GALNT6: variants seen among roughly 807,000 people sequenced by gnomAD.
The protein encoded by GALNT6 is polypeptide N-acetylgalactosaminyltransferase 6.
GALNT6 carries 51 observed loss-of-function variants against 65.9 expected under a neutral mutation model. The ratio of observed to expected loss-of-function variants is 0.77; its 90% CI spans 0.62 to 0.98. GALNT6 has a LOEUF of 0.98. Ranked by LOEUF, GALNT6 falls within the 50% of genes least tolerant of loss-of-function variation. GALNT6 has a pLI of 0.00. For synonymous variants in GALNT6, 323 were observed against 315.1 expected (o/e 1.02, Z -0.26); for missense variants, 708 against 803.3 (o/e 0.88, Z 1.43).
chr12:51,365,002 C>A (rs1359175740), intron 5 of GALNT6, among the ~76,000 whole-genome samples: 1 of 152,186 alleles, frequency 6.6e-6, no homozygotes, highest in African/African-American at 2.4e-5. Flanking sequence ...AATATTTCAT[C>A]CTCCACAACA....
Position 51,379,861 on chromosome 12 carries a change from G to A in GALNT6, c.-80C>T, listed in dbSNP as rs1283223789. 12 of 1,394,150 alleles carry A rather than the reference G, an allele frequency of 8.6e-6. No individual in the cohort carries two copies. In the South Asian group the frequency reaches 1.3e-4, roughly 15 times the overall value. The allele number at this position is 1,394,150 out of a possible 1,614,324, so 86.4% of individuals were successfully genotyped here. On this transcript the variant is annotated 5_prime_UTR_variant, in exon 3 of 12. Transcript: ENST00000356317. ...CCTGGAGATAGCTTGATACGTTGTGGTGGCCACAAGCTGGGGCCTCAGCCT... is the reference window on the plus strand; with the variant it reads ...CCTGGAGATAGCTTGATACGTTGTGATGGCCACAAGCTGGGGCCTCAGCCT...
rs551874807 is a variant in GALNT6, at chr12:51,380,053, G to A, written c.-103-169C>T. 3.9e-5 allele frequency among the ~76,000 whole-genome samples: 6 copies of A among 152,278 alleles called. No homozygotes were observed. The South Asian group carries it at 1.0e-3, about 26-fold the overall frequency. On this transcript the variant is annotated intron_variant, in intron 2 of 11. Coordinates refer to ENST00000356317, the MANE Select transcript of GALNT6 (RefSeq NM_007210.4). ...CATCCATAAAATGAGGAGACCGGAGGCAGTGTTTCTTTCCTGCCCTAAGAT... is the reference window on the plus strand; with the variant it reads ...CATCCATAAAATGAGGAGACCGGAGACAGTGTTTCTTTCCTGCCCTAAGAT...
intron 1 of GALNT6, 90 bp from the exon 2 acceptor site, chr12:51,391,027 C>T (rs1017139911): frequency 2.0e-5 from 3 of 152,470 alleles, no homozygotes; most frequent in Non-Finnish European, 4.4e-5. Flanking sequence ...CCCTTCCCAC[C>T]CCCAAAAGCC....
chr12:51,385,559 T>C (rs1244747342), intron 2 of GALNT6, among the ~76,000 whole-genome samples: 2 of 152,180 alleles, frequency 1.3e-5, no homozygotes, highest in Admixed American at 1.3e-4. Flanking sequence ...TATTTCTCAC[T>C]TTGGTCAAGT....
intron 8 of GALNT6, among the ~76,000 whole-genome samples, 199 bp from the exon 9 acceptor site, chr12:51,358,460 C>T (rs576628195): frequency 1.3e-5 from 2 of 152,234 alleles, no homozygotes; most frequent in South Asian, 4.1e-4. Flanking sequence ...ACCACCACGC[C>T]CAATTAATTT....
At position 51,379,359 on chromosome 12, in the gene GALNT6, A is replaced by G. The variant is rs2137742783; in HGVS notation, c.423T>C (p.Cys141=). ...QEKEEGYKKH[C]FNAFASDRIS... is the part of the protein sequence containing the mutation. ...TCCGGTCGCTGGCAAAGGCATTGAA[A>G]CAGTGCTTCTTATAGCCTTCTTCCT... Residue 141 remains cysteine, a synonymous_variant, in exon 3 of 12, where the codon TGT becomes TGC. Transcript: ENST00000356317. 1 of 1,556,636 alleles carries G rather than the reference A, an allele frequency of 6.4e-7. No individual in the cohort carries two copies. Among genetic ancestry groups the G allele is most frequent in the East Asian group, 2.2e-5 (1 of 44,486 alleles).
At position 51,371,056 on chromosome 12, in the gene GALNT6, TTATTATTATTATTATTATTATTA is replaced by T. The variant is rs1947279307; in HGVS notation, c.665-5500_665-5478del. 5.7e-3 allele frequency among the ~76,000 whole-genome samples: 14 copies of T among 2,464 alleles called. No homozygotes were observed. The South Asian group carries it at 0.15, about 26-fold the overall frequency. 1.6% of individuals were successfully genotyped at this position (2,464 alleles called of 152,430 possible). A position where few individuals can be genotyped will look rare whatever the true frequency, so the allele number is the denominator to read the frequency against. On this transcript the variant is annotated intron_variant, in intron 4 of 11. Coordinates refer to ENST00000356317, the MANE Select transcript of GALNT6 (RefSeq NM_007210.4). Reference sequence around the variant, plus strand: ...TTGGTCCCGCTAGCCTTTTAAAAAATTATTATTATTATTATTATTATTATTATTATTATTATTATTATTTGAGA... The same window carrying T: ...TTGGTCCCGCTAGCCTTTTAAAAAATTTATTATTATTATTATTATTTGAGA...
chr12:51,354,642 A>G (rs1946693721), intron 11 of GALNT6, 150 bp from the exon 12 acceptor site: 2 of 589,132 alleles, frequency 3.4e-6, no homozygotes, highest in East Asian at 6.8e-5. Context: ...CTGCCCTCTC[A>G]TGAGACACAT....
At chr12:51,362,553 C>T (rs1273015945) in intron 6 of GALNT6, among the ~76,000 whole-genome samples, 4 of 150,522 alleles carry the variant, frequency 2.7e-5, no homozygotes, top group African/African-American at 9.8e-5. Flanking sequence ...GGCCCTTGGA[C>T]ATTGAAGCCT....
rs191376245 is a variant in GALNT6 at position 51,368,031 on chromosome 12, T to A, written c.665-2452A>T. ...GAGGCCATGGAATTTTTTTTTTTTT[T>A]AATTTTTTAATTCTGGAGCAGATTA... On this transcript the variant is annotated intron_variant, in intron 4 of 11. Transcript: ENST00000356317. Among the ~76,000 whole-genome samples, 873 of 151,796 alleles carry A rather than the reference T, an allele frequency of 5.8e-3. 30 individuals are homozygous for A. In the East Asian group the frequency reaches 0.086, roughly 15 times the overall value.
chr12:51,370,015 G>A (rs183633062), intron 4 of GALNT6, among the ~76,000 whole-genome samples: 1 of 152,238 alleles, frequency 6.6e-6, no homozygotes, highest in East Asian at 1.9e-4. Flanking sequence ...TTATGGAAAG[G>A]TATGATGGTT....
At chr12:51,359,737 A>G (rs1228187263) in intron 7 of GALNT6, 1 of 156,018 alleles carries the variant, frequency 6.4e-6, no homozygotes, top group African/African-American at 2.4e-5. Context: ...GTTAATTAAT[A>G]GCAAGGATAG....
Position 51,387,542 on chromosome 12 carries a change from A to G in GALNT6, c.-104+3308T>C, listed in dbSNP as rs1357691606. 6.6e-6 allele frequency among the ~76,000 whole-genome samples: 1 copy of G among 152,214 alleles called. No individual in the cohort carries two copies. The highest frequency in any genetic ancestry group is 1.9e-4 in the East Asian group (1 of 5,202). On this transcript the variant is annotated intron_variant, in intron 2 of 11. Coordinates refer to ENST00000356317, the MANE Select transcript of GALNT6 (RefSeq NM_007210.4). This position sits in a 1 kb window ranked among gnomAD's most constrained non-coding sequence, Gnocchi z 4.2. ...TGGTTAATATTTGTTGACTTATTCCAAGAAAAAGTCACCAAAAATCAAAAT... is the reference window on the plus strand; with the variant it reads ...TGGTTAATATTTGTTGACTTATTCCGAGAAAAAGTCACCAAAAATCAAAAT...
In GALNT6 at chr12:51,357,290, G is replaced by A. The variant is rs915957938; in HGVS notation, c.1602+59C>T. ...CAGTCCTCAGGAAAGGACTCTTTAGGGTAGAGAAAAGGAGCCGGTGAGGAG... is the reference window on the plus strand; with the variant it reads ...CAGTCCTCAGGAAAGGACTCTTTAGAGTAGAGAAAAGGAGCCGGTGAGGAG... On this transcript the variant is annotated intron_variant, in intron 10 of 11. Transcript: ENST00000356317. The A allele has an allele frequency of 2.7e-6, 3 of 1,096,322 alleles. No homozygotes were observed. The African/African-American group carries it at 4.6e-5, about 17-fold the overall frequency. 67.9% of individuals were successfully genotyped at this position (1,096,322 alleles called of 1,614,324 possible).
chr12:51,373,034 T>C (rs901987952), intron 4 of GALNT6, among the ~76,000 whole-genome samples: 6 of 152,294 alleles, frequency 3.9e-5, no homozygotes, highest in Middle Eastern at 3.4e-3. Context: ...TATACCTCCA[T>C]TGTATCTAGG....
intron 10 of GALNT6, among the ~76,000 whole-genome samples, chr12:51,356,178 ATATG>A (rs1946739392): frequency 6.8e-6 from 1 of 147,298 alleles, no homozygotes; most frequent in Non-Finnish European, 1.5e-5. Context: ...GTGTATATAT[ATATG>A]TGTGTATATA....
rs1287645397 is a variant in GALNT6, at chr12:51,364,217, T to C, written c.953A>G (p.His318Arg). 5 of 1,614,174 alleles carry C rather than the reference T, an allele frequency of 3.1e-6. No homozygotes were observed. Among genetic ancestry groups the C allele is most frequent in the Non-Finnish European group, 4.2e-6 (5 of 1,179,990 alleles). ...GCTCCAGTCAAAGTTGCCTCGGCTA[T>C]GGACTCTGCCCCTCTGGACGGGCTT... ...FAKPVQRGRVHSRGNFDWSLT... is the reference protein window; with the variant it reads ...FAKPVQRGRVRSRGNFDWSLT... Residue 318 changes from histidine to arginine, a missense_variant, in exon 6 of 12, where the codon CAT becomes CGT. Coordinates refer to ENST00000356317, the MANE Select transcript of GALNT6 (RefSeq NM_007210.4).
chr12:51,359,256 T>G lies in GALNT6; in HGVS notation c.1244A>C (p.His415Pro). ...GACACTAGTGCCCTTGGGGAAGGTG[T>G]GGGGGCTCTTGGTCCGGAACACATG... ...VGHVFRTKSP[H>P]TFPKGTSVIA... The change falls in exon 8 of 12, where the codon CAC (histidine) becomes CCC (proline). Residue 415 changes from histidine to proline, a missense_variant. Physicochemically the swap from His to Pro is moderately conservative, Grantham distance 77 (BLOSUM62 -2). Coordinates refer to ENST00000356317, the MANE Select transcript of GALNT6 (RefSeq NM_007210.4). 6.2e-7 allele frequency: 1 copy of G among 1,614,012 alleles called. No individual in the cohort carries two copies. Among genetic ancestry groups the G allele is most frequent in the Non-Finnish European group, 8.5e-7 (1 of 1,179,952 alleles).
At chr12:51,380,907 A>T (rs1339028509) in intron 2 of GALNT6, among the ~76,000 whole-genome samples, 1 of 152,180 alleles carries the variant, frequency 6.6e-6, no homozygotes, top group African/African-American at 2.4e-5. Context: ...CTCAAAGTGG[A>T]TGGCGGCTGC....
Sources: gnomAD v4.1 joint callset for allele counts (sites outside exome capture counted in the v4.1 genomes callset) on GRCh38, gnomAD v4.1.1 for gene constraint, Gnocchi (gnomAD v3.1) non-coding constraint, MANE v1.5 for transcripts, NCBI Gene and HGNC (gene_info 2026-07-23, HGNC 2026-07-21) for gene names.